The following COTL1 variants were observed in gnomAD, a reference collection of about 807,000 sequenced individuals.
COTL1 encodes the protein coactosin like F-actin binding protein 1, also known as coactosin-like protein.
A neutral mutation model predicts 16.5 loss-of-function variants in COTL1; 15 were observed. That is an observed-to-expected ratio of 0.91 (90% CI 0.61 to 1.40). The LOEUF (loss-of-function observed/expected upper bound fraction) is 1.40. COTL1 is among the 40% of genes most tolerant of loss of function. COTL1 has a pLI of 0.00. For synonymous variants in COTL1, 112 were observed against 85.3 expected (o/e 1.31, Z -1.73); for missense variants, 220 against 201.5 (o/e 1.09, Z -0.56).
Position 84,566,965 on chromosome 16 carries a change from C to T in COTL1, c.319-10G>A, listed in dbSNP as rs1904301589. 6.3e-7 allele frequency: 1 copy of T among 1,589,522 alleles called. No individual in the cohort carries two copies. The highest frequency in any genetic ancestry group is 1.1e-5 in the South Asian group (1 of 90,612). ...ACTCCTTAGCGAAATTCTGCAAGAACAAAGGAAAACACAGCGTTCCTATTA... is the reference window on the plus strand; with the variant it reads ...ACTCCTTAGCGAAATTCTGCAAGAATAAAGGAAAACACAGCGTTCCTATTA... On this transcript the variant is annotated splice_polypyrimidine_tract_variant and intron_variant, in intron 3 of 3. Transcript: ENST00000262428.
intron 3 of COTL1, among the ~76,000 whole-genome samples, chr16:84,578,395 C>A (rs777106801): frequency 1.3e-5 from 2 of 152,202 alleles, no homozygotes; most frequent in Non-Finnish European, 2.9e-5. Context: ...ATACTATCTA[C>A]GTAACACTTC....
intron 2 of COTL1, among the ~76,000 whole-genome samples, chr16:84,610,325 G>A (rs149149550): frequency 0.017 from 2,530 of 152,280 alleles, 75 homozygotes; most frequent in African/African-American, 0.058. Context: ...AAAGTGAACC[G>A]TCTAAAGAGA....
At chr16:84,567,039 GC>G in intron 3 of COTL1, 84 bp from the exon 4 acceptor site, 1 of 901,520 alleles carries the variant, frequency 1.1e-6, no homozygotes. Context: ...ACACTGGGAA[GC>G]AAAGCACTGA....
At chr16:84,604,045 C>G (rs1274433213) in intron 2 of COTL1, among the ~76,000 whole-genome samples, 1 of 128,160 alleles carries the variant, frequency 7.8e-6, no homozygotes, top group Non-Finnish European at 1.7e-5. Context: ...ACTCCCCTCT[C>G]CCTCCCGCTG....
intron 3 of COTL1, among the ~76,000 whole-genome samples, chr16:84,569,507 G>A (rs1904313627): frequency 6.6e-6 from 1 of 152,128 alleles, no homozygotes; most frequent in Non-Finnish European, 1.5e-5. Context: ...CTAACAAAGT[G>A]GAGAACGGGA....
At chr16:84,613,944 A>G (rs1905400148) in intron 2 of COTL1, among the ~76,000 whole-genome samples, 2 of 152,196 alleles carry the variant, frequency 1.3e-5, no homozygotes, top group East Asian at 1.9e-4. Context: ...AGGGACCCCC[A>G]AAATCACTGG....
At chr16:84,593,055 G>C (rs554762711) in intron 2 of COTL1, among the ~76,000 whole-genome samples, 1 of 152,332 alleles carries the variant, frequency 6.6e-6, no homozygotes, top group African/African-American at 2.4e-5. Context: ...AGGTAGAGAC[G>C]TCATGGCCAC....
intron 2 of COTL1, among the ~76,000 whole-genome samples, chr16:84,611,783 C>T (rs996513807): frequency 6.6e-6 from 1 of 152,206 alleles, no homozygotes; most frequent in Non-Finnish European, 1.5e-5. Flanking sequence ...GAGTATGCCA[C>T]AGAGAATATG....
chr16:84,568,655 A>G (rs1259018950), intron 3 of COTL1: 1 of 152,250 alleles, frequency 6.6e-6, no homozygotes, highest in Non-Finnish European at 1.5e-5. Flanking sequence ...TGGGAACAGG[A>G]AATGATAGAG....
rs1904834173 is a variant in COTL1 at position 84,590,348 on chromosome 16, T to A, written c.161-86A>T. Reference sequence around the variant, plus strand: ...CTGGGGAGAGGCTGTGAGCCACGAGTGCGCCTGGAGCAGCACAGCAGGAGA... The same window carrying A: ...CTGGGGAGAGGCTGTGAGCCACGAGAGCGCCTGGAGCAGCACAGCAGGAGA... On this transcript the variant is annotated intron_variant, in intron 2 of 3. Transcript: ENST00000262428. The surrounding 1 kb of genome is among the most constrained non-coding windows in gnomAD (Gnocchi z 5.5). 6.6e-7 allele frequency: 1 copy of A among 1,515,310 alleles called. No homozygotes were observed. The highest frequency in any genetic ancestry group is 1.4e-5 in the African/African-American group (1 of 73,138). The allele number at this position is 1,515,310 out of a possible 1,614,324, so 93.9% of individuals were successfully genotyped here. A position where few individuals can be genotyped will look rare whatever the true frequency, so the allele number is the denominator to read the frequency against.
chr16:84,598,945 C>T (rs1905060739), intron 2 of COTL1, among the ~76,000 whole-genome samples: 1 of 150,958 alleles, frequency 6.6e-6, no homozygotes, highest in Non-Finnish European at 1.5e-5. Context: ...AGAGGATGAC[C>T]ACAAAGGGGC....
At chr16:84,617,690 C>A in intron 1 of COTL1, 107 bp from the exon 2 acceptor site, 2 of 1,385,328 alleles carry the variant, frequency 1.4e-6, no homozygotes, top group Non-Finnish European at 2.0e-6. Flanking sequence ...CACGGAGAAG[C>A]CCGCGGGGGC....
At chr16:84,579,630 G>A (rs753787507) in intron 3 of COTL1, among the ~76,000 whole-genome samples, 4 of 152,214 alleles carry the variant, frequency 2.6e-5, no homozygotes, top group Non-Finnish European at 5.9e-5. Context: ...GGTAGTGGCT[G>A]ATCACTTAGC....
rs73257523 is a variant in COTL1 at position 84,612,240 on chromosome 16, C to T, written c.160+5261G>A. Among the ~76,000 whole-genome samples, 203 of 152,290 alleles carry T rather than the reference C, an allele frequency of 1.3e-3. 2 individuals carry two copies. Among genetic ancestry groups the T allele is most frequent in the African/African-American group, 4.6e-3 (192 of 41,558 alleles). The stretch of plus-strand genomic sequence containing the variant: ...GATGGGTAACTCACCTGCTCCAGAG[C>T]ACATGAATGGCAGGTATTTGAACCC... On this transcript the variant is annotated intron_variant, in intron 2 of 3. Coordinates refer to ENST00000262428, the MANE Select transcript of COTL1 (RefSeq NM_021149.5).
intron 2 of COTL1, among the ~76,000 whole-genome samples, chr16:84,605,837 C>T (rs1365051904): frequency 6.6e-6 from 1 of 152,188 alleles, no homozygotes; most frequent in African/African-American, 2.4e-5. Flanking sequence ...TTTAATTCAC[C>T]AAGTTTGTGG....
At chr16:84,614,587 T>C (rs976580490) in intron 2 of COTL1, among the ~76,000 whole-genome samples, 1 of 150,706 alleles carries the variant, frequency 6.6e-6, no homozygotes, top group Non-Finnish European at 1.5e-5. Flanking sequence ...GTGGGGAGGG[T>C]TGGGAGAAGA....
chr16:84,580,093 C>A (rs565840577), intron 3 of COTL1, among the ~76,000 whole-genome samples: 1 of 152,328 alleles, frequency 6.6e-6, no homozygotes, highest in Non-Finnish European at 1.5e-5. Context: ...CTAGGGCAGG[C>A]TGGCCAAGGG....
At chr16:84,566,993 A>T in intron 3 of COTL1, 38 bp from the exon 4 acceptor site, 1 of 1,448,112 alleles carries the variant, frequency 6.9e-7, no homozygotes, top group Non-Finnish European at 9.7e-7. Flanking sequence ...TCCTATTAAG[A>T]AGGAAGGCAC....
rs1046623 is a variant in COTL1 at position 84,566,665 on chromosome 16, A to G, written c.*180T>C. 0.26 allele frequency: 147,336 copies of G among 559,030 alleles called. 22,045 individuals are homozygous for G. The highest frequency in any genetic ancestry group is 0.48 in the East Asian group (15,919 of 33,398). 34.6% of individuals were successfully genotyped at this position (559,030 alleles called of 1,614,324 possible). A position where few individuals can be genotyped will look rare whatever the true frequency, so the allele number is the denominator to read the frequency against. On this transcript the variant is annotated 3_prime_UTR_variant, in exon 4 of 4. Coordinates refer to ENST00000262428, the MANE Select transcript of COTL1 (RefSeq NM_021149.5). ...TTCCATGAGCGTCATGAGATAGGAC[A>G]CGGCAGGGTTCTAAGGGAAGCGGGA...
Sources: allele counts gnomAD v4.1 joint callset (sites outside exome capture counted in the v4.1 genomes callset), GRCh38; gene constraint gnomAD v4.1.1; non-coding constraint Gnocchi (gnomAD v3.1); transcripts MANE v1.5; gene names NCBI Gene and HGNC (gene_info 2026-07-23, HGNC 2026-07-21).